The following FAM228B variants were observed in gnomAD, a reference collection of about 807,000 sequenced individuals.
The protein encoded by FAM228B is family with sequence similarity 228 member B.
FAM228B carries 38 observed loss-of-function variants against 42.6 expected under a neutral mutation model. The ratio of observed to expected loss-of-function variants is 0.89; its 90% CI spans 0.69 to 1.17. The LOEUF is 1.17. Among genes scored for constraint, FAM228B ranks in the 50% most tolerant of loss-of-function variants. The pLI, the probability that FAM228B is intolerant of heterozygous loss-of-function variation, is 0.00. For synonymous variants in FAM228B, 109 were observed against 122.3 expected (o/e 0.89, Z 0.72); for missense variants, 344 against 367.3 (o/e 0.94, Z 0.52).
At chr2:24,106,992 TA>T (rs554014330) in intron 3 of FAM228B, among the ~76,000 whole-genome samples, 5 of 151,986 alleles carry the variant, frequency 3.3e-5, no homozygotes, top group Admixed American at 6.6e-5. Context: ...GCAAGCTGGA[TA>T]AAAAAGCAAG....
Position 24,081,044 on chromosome 2 carries a change from G to A in FAM228B, c.-210+89G>A, listed in dbSNP as rs34606189. On this transcript the variant is annotated intron_variant, in intron 2 of 10. Transcript: ENST00000613899. ...GCCTGAACATTTCCTGTGACAGAAA[G>A]TACAGGGTTCTCTTTACTTTGCAAC... The A allele has an allele frequency of 6.8e-6, 11 of 1,607,446 alleles. 1 individual carries two copies. The African/African-American group carries it at 1.5e-4, about 21-fold the overall frequency.
intron 2 of FAM228B, chr2:24,082,986 G>A: frequency 6.2e-7 from 1 of 1,614,186 alleles, no homozygotes; most frequent in Non-Finnish European, 8.5e-7. Context: ...GAGCCCTTCG[G>A]GGACAGTGAC....
intron 7 of FAM228B, among the ~76,000 whole-genome samples, chr2:24,155,922 A>T (rs889603294): frequency 3.9e-5 from 6 of 152,058 alleles, no homozygotes; most frequent in Admixed American, 2.0e-4. Context: ...ATATTTTTCA[A>T]ATTTTGAGGA....
In FAM228B at chr2:24,109,055, A is replaced by G. The variant is rs527558019; in HGVS notation, c.-121+13826A>G. Among the ~76,000 whole-genome samples, 7 of 152,156 alleles carry G rather than the reference A, an allele frequency of 4.6e-5. No homozygotes were observed. The East Asian group carries it at 1.3e-3, about 29-fold the overall frequency. ...GCTACAGTAACCAAAACAGCATGGT[A>G]CTGGTACAAAAACAGACATATAGAC... On this transcript the variant is annotated intron_variant, in intron 3 of 10. Coordinates refer to the FAM228B transcript ENST00000613899.
Position 24,161,591 on chromosome 2 carries a change from G to T in FAM228B, c.772G>T (p.Glu258Ter), listed in dbSNP as rs1420441065. The T allele has an allele frequency of 6.5e-7, 1 of 1,541,668 alleles. No homozygotes were observed. The highest frequency in any genetic ancestry group is 8.8e-7 in the Non-Finnish European group (1 of 1,138,324). ...TCCTTATCTTTTGGAATCCCAGGAA[G>T]AAGAAAAAACAGTTATTTACAAGTA... ...RAPYLLESQEEEKTVIYKNKG... is the reference protein window; with the variant it reads ...RAPYLLESQE Residue 258 changes from glutamate to a stop codon, truncating the protein, a stop_gained, in exon 8 of 11, where the codon GAA (glutamate) becomes TAA (stop). Transcript: ENST00000615575. LOFTEE classifies it high-confidence loss of function.
At chr2:24,091,958 G>A (rs146553673) in intron 2 of FAM228B, among the ~76,000 whole-genome samples, 3 of 152,252 alleles carry the variant, frequency 2.0e-5, no homozygotes, top group East Asian at 3.9e-4. Context: ...AGGGTTGGGA[G>A]TGTTGGCTCA....
intron 5 of FAM228B, among the ~76,000 whole-genome samples, chr2:24,146,391 A>G (rs1054292125): frequency 6.6e-5 from 10 of 152,190 alleles, no homozygotes; most frequent in Non-Finnish European, 8.8e-5. Context: ...TTGATTATCA[A>G]TGTTAGGGAT....
chr2:24,149,453 T>C (rs545922137), intron 7 of FAM228B, among the ~76,000 whole-genome samples: 1 of 152,320 alleles, frequency 6.6e-6, no homozygotes, highest in African/African-American at 2.4e-5. Flanking sequence ...TTGTAGTTTT[T>C]TTTTCTTCTT....
chr2:24,090,164 A>T (rs1665357054), intron 2 of FAM228B, among the ~76,000 whole-genome samples: 1 of 151,514 alleles, frequency 6.6e-6, no homozygotes, highest in Admixed American at 6.6e-5. Flanking sequence ...GTTACTCGGG[A>T]GGTTGAAGCA....
chr2:24,080,331 A>G lies in FAM228B; in HGVS notation c.-289-545A>G, dbSNP rs567257421. Among the ~76,000 whole-genome samples the G allele has an allele frequency of 7.9e-5, 12 of 151,682 alleles. No homozygotes were observed. The highest frequency in any genetic ancestry group is 2.9e-5 in the Non-Finnish European group (2 of 67,914). Reference sequence around the variant, plus strand: ...GATCAAGCCACTGCACGCCATCCTCAGTGACAGAGTGAGACTCCATCTCAA... The same window carrying G: ...GATCAAGCCACTGCACGCCATCCTCGGTGACAGAGTGAGACTCCATCTCAA... On this transcript the variant is annotated intron_variant, in intron 1 of 10. Coordinates refer to the FAM228B transcript ENST00000613899. This position sits in a 1 kb window ranked among gnomAD's most constrained non-coding sequence, Gnocchi z 4.7.
rs952838944 is a variant in FAM228B at position 24,084,084 on chromosome 2, G to A, written c.-210+3129G>A. ...AAGCCCCAGCGCAGCTGCCTGCTGG[G>A]TGTGGAGCGGTGCACGCCTTCACGT... On this transcript the variant is annotated intron_variant, in intron 2 of 10. Transcript: ENST00000613899. This position sits in a 1 kb window ranked among gnomAD's most constrained non-coding sequence, Gnocchi z 8.4. 4 of 1,450,038 alleles carry A rather than the reference G, an allele frequency of 2.8e-6. No homozygotes were observed. Among genetic ancestry groups the A allele is most frequent in the Non-Finnish European group, 3.6e-6 (4 of 1,100,650 alleles). The allele number at this position is 1,450,038 out of a possible 1,614,324, so 89.8% of individuals were successfully genotyped here.
At chr2:24,126,612 CTT>C (rs36032006) in intron 2 of FAM228B, among the ~76,000 whole-genome samples, 22 of 141,140 alleles carry the variant, frequency 1.6e-4, no homozygotes, top group South Asian at 2.2e-4. Context: ...AGATTCACTA[CTT>C]TTTTTTTTTT....
Position 24,080,405 on chromosome 2 carries a change from G to A in FAM228B, c.-289-471G>A, listed in dbSNP as rs190869895. On this transcript the variant is annotated intron_variant, in intron 1 of 10. Coordinates refer to the FAM228B transcript ENST00000613899. This position sits in a 1 kb window ranked among gnomAD's most constrained non-coding sequence, Gnocchi z 4.7. ...AAAGGGATGAGCCAAAAATAGACAC[G>A]TCTGGCTTTGGAATACAGAGGTGTG... Among the ~76,000 whole-genome samples the A allele has an allele frequency of 7.2e-5, 11 of 151,834 alleles. No homozygotes were observed. Among genetic ancestry groups the A allele is most frequent in the Admixed American group, 5.2e-4 (8 of 15,246 alleles).
chr2:24,087,493 C>T (rs578177559), intron 2 of FAM228B: 10 of 152,248 alleles, frequency 6.6e-5, no homozygotes, highest in South Asian at 2.1e-4. Context: ...TAAGCACACT[C>T]GAGTTTATGC....
At chr2:24,089,970 A>G (rs1472709009) in intron 2 of FAM228B, among the ~76,000 whole-genome samples, 2 of 54,026 alleles carry the variant, frequency 3.7e-5, no homozygotes, top group African/African-American at 1.8e-4. Context: ...TCCGTCTAAA[A>G]AAAAAGAAAA....
rs888965187 is a variant in FAM228B at position 24,077,358 on chromosome 2, A to C, written c.-290+389A>C. 2 of 468,046 alleles carry C rather than the reference A, an allele frequency of 4.3e-6. No homozygotes were observed. The highest frequency in any genetic ancestry group is 6.8e-5 in the East Asian group (2 of 29,362). 29.0% of individuals were successfully genotyped at this position (468,046 alleles called of 1,614,324 possible). On this transcript the variant is annotated intron_variant, in intron 1 of 10. Coordinates refer to the FAM228B transcript ENST00000613899. This position sits in a 1 kb window ranked among gnomAD's most constrained non-coding sequence, Gnocchi z 5.5. ...GTTGAGCGTCAGCTGATCGGGCCTC[A>C]GTAATCCCCGCTGCGACGCCCGTCC...
chr2:24,126,939 C>T (rs1148948), intron 2 of FAM228B, among the ~76,000 whole-genome samples: 1 of 152,150 alleles, frequency 6.6e-6, no homozygotes, highest in South Asian at 2.1e-4. Flanking sequence ...ATTCACTACT[C>T]TAAAGTGTAC....
At chr2:24,110,770 C>T (rs1021530517) in intron 3 of FAM228B, among the ~76,000 whole-genome samples, 1 of 152,120 alleles carries the variant, frequency 6.6e-6, no homozygotes. Flanking sequence ...GGGACTCCCC[C>T]CCCAAATCTG....
At position 24,098,254 on chromosome 2, in the gene FAM228B, G is replaced by C. The variant is rs562086815; in HGVS notation, c.-121+3025G>C. Among the ~76,000 whole-genome samples the C allele has an allele frequency of 2.0e-5, 3 of 152,198 alleles. No individual in the cohort carries two copies. The East Asian group carries it at 5.8e-4, about 29-fold the overall frequency. The stretch of plus-strand genomic sequence containing the variant: ...GAAGCAAGAGCAAACAAATTCAAAA[G>C]CTAGCAGAAGGCAAGAAATAACTGA... On this transcript the variant is annotated intron_variant, in intron 3 of 10. Coordinates refer to the FAM228B transcript ENST00000613899.
Sources: allele counts gnomAD v4.1 joint callset (sites outside exome capture counted in the v4.1 genomes callset), GRCh38; gene constraint gnomAD v4.1.1; non-coding constraint Gnocchi (gnomAD v3.1); transcripts MANE v1.5; gene names NCBI Gene and HGNC (gene_info 2026-07-23, HGNC 2026-07-21).